Variants in MIX23 observed in about 807,000 individuals in gnomAD.
MIX23 encodes protein MIX23.
MIX23 carries 13 observed loss-of-function variants against 21.6 expected under a neutral mutation model. The observed-to-expected ratio is 0.60, with a 90% CI of 0.39 to 0.96. The LOEUF (loss-of-function observed/expected upper bound fraction) is 0.96, where lower values mean the gene tolerates loss of function less well. MIX23 is among the 40% of genes least tolerant of loss of function. The pLI, the probability that MIX23 is intolerant of heterozygous loss-of-function variation, is 0.00. For synonymous variants in MIX23, 59 were observed against 58.0 expected, an observed-to-expected ratio of 1.02 and a Z score of -0.08; for missense variants, 144 against 171.2, an observed-to-expected ratio of 0.84 and a Z score of 0.89.
At chr3:122,381,407 G>A (rs915573456) in intron 1 of MIX23, among the ~76,000 whole-genome samples, 7 of 152,144 alleles carry the variant, frequency 4.6e-5, no homozygotes, top group African/African-American at 1.4e-4. Context: ...GCCCTAATCC[G>A]ATAGAACTGA....
rs368433558 is a variant in MIX23 at position 122,368,248 on chromosome 3, G to A, written c.252C>T (p.Asn84=). 4.9e-5 allele frequency: 79 copies of A among 1,609,752 alleles called. No homozygotes were observed. The African/African-American group carries it at 8.8e-4, about 18-fold the overall frequency. The part of the protein sequence containing the change: ...CIAQTSAVVK[N]LREEREKNLD... ...AATTCTTTTCTCTCTCTTCTCGGAG[G>A]TTTTTTACTACTGCTGAAGTCTGGG... The change falls in exon 3 of 5, where the codon AAC becomes AAT. Residue 84 remains asparagine (N), a synonymous_variant. Transcript: ENST00000291458.
intron 3 of MIX23, 38 bp from the exon 4 acceptor site, chr3:122,363,065 A>T: frequency 6.4e-7 from 1 of 1,552,674 alleles, no homozygotes; most frequent in Non-Finnish European, 8.8e-7. Flanking sequence ...TAAAATTTAA[A>T]GAGCAAGAAA....
chr3:122,361,334 C>T (rs1026569189), intron 4 of MIX23, among the ~76,000 whole-genome samples: 1 of 152,156 alleles, frequency 6.6e-6, no homozygotes, highest in African/African-American at 2.4e-5. Context: ...CCATTTCCAG[C>T]CCTGACATTT....
chr3:122,380,203 A>T (rs927119016), intron 1 of MIX23, among the ~76,000 whole-genome samples: 2 of 152,196 alleles, frequency 1.3e-5, no homozygotes, highest in Non-Finnish European at 2.9e-5. Context: ...GAACTCCCTT[A>T]ACCTTTCCTC....
intron 1 of MIX23, among the ~76,000 whole-genome samples, chr3:122,376,166 C>CG (rs2075485324): frequency 1.6e-5 from 1 of 64,480 alleles, no homozygotes; most frequent in African/African-American, 6.5e-5. Context: ...GACTCCGTCT[C>CG]AAAAAAAAAA....
chr3:122,365,217 G>C (rs1049907949), intron 3 of MIX23: 3 of 152,046 alleles, frequency 2.0e-5, no homozygotes, highest in African/African-American at 7.2e-5. Context: ...TTTTTGACTG[G>C]CATCTGTCTA....
rs6762429 is a variant in MIX23 at position 122,371,877 on chromosome 3, A to G, written c.52-77T>C. On this transcript the variant is annotated intron_variant, in intron 1 of 4. Coordinates refer to ENST00000291458, the MANE Select transcript of MIX23 (RefSeq NM_001017928.4). ...AAAAATAAGCATTTAAGTAAAAAAT[A>G]AAGCTCTTGGATATTTTACAATCCT... The G allele has an allele frequency of 1.1e-3, 1,402 of 1,244,972 alleles. 10 individuals are homozygous for G. In the African/African-American group the frequency reaches 0.017, roughly 15 times the overall value. The allele number at this position is 1,244,972 out of a possible 1,614,324, so 77.1% of individuals were successfully genotyped here.
At chr3:122,380,112 T>A (rs1292880215) in intron 1 of MIX23, among the ~76,000 whole-genome samples, 2 of 152,150 alleles carry the variant, frequency 1.3e-5, no homozygotes, top group Non-Finnish European at 2.9e-5. Flanking sequence ...ATTCTACATA[T>A]TTTTTAGGGT....
chr3:122,377,316 A>T (rs190821918), intron 1 of MIX23, among the ~76,000 whole-genome samples: 1 of 152,366 alleles, frequency 6.6e-6, no homozygotes, highest in East Asian at 1.9e-4. Flanking sequence ...GAAGAGTGGA[A>T]TAGAAAGTAG....
intron 1 of MIX23, among the ~76,000 whole-genome samples, 199 bp downstream of exon 1, chr3:122,382,975 C>T (rs575099315): frequency 1.3e-5 from 2 of 152,318 alleles, no homozygotes; most frequent in South Asian, 4.1e-4. Flanking sequence ...GAACTATGAC[C>T]CCCCTCCTCC....
intron 4 of MIX23, 108 bp downstream of exon 4, chr3:122,362,860 C>T: frequency 1.6e-6 from 1 of 634,974 alleles, no homozygotes. Context: ...CGAGTGATCT[C>T]TACTTTCCTT....
intron 2 of MIX23, among the ~76,000 whole-genome samples, chr3:122,370,326 G>A (rs1008054031): frequency 2.0e-5 from 3 of 151,866 alleles, no homozygotes; most frequent in Admixed American, 1.3e-4. Flanking sequence ...GCATGGTAGC[G>A]TGTGCCTGTA....
chr3:122,375,870 T>C (rs564899473), intron 1 of MIX23, among the ~76,000 whole-genome samples: 5 of 152,056 alleles, frequency 3.3e-5, no homozygotes, highest in African/African-American at 2.4e-5. Flanking sequence ...AAATAAATCA[T>C]TATATAAAAA....
At chr3:122,381,554 C>A (rs1170046307) in intron 1 of MIX23, among the ~76,000 whole-genome samples, 1 of 151,826 alleles carries the variant, frequency 6.6e-6, no homozygotes, top group Non-Finnish European at 1.5e-5. Context: ...ATGGTGAAAC[C>A]CCATCTCTAC....
chr3:122,362,660 A>T (rs2075366247), intron 4 of MIX23, among the ~76,000 whole-genome samples: 1 of 152,006 alleles, frequency 6.6e-6, no homozygotes, highest in South Asian at 2.1e-4. Context: ...TATTTTTAGT[A>T]GACACCTGAC....
At chr3:122,378,778 TG>T (rs2075508267) in intron 1 of MIX23, among the ~76,000 whole-genome samples, 1 of 152,242 alleles carries the variant, frequency 6.6e-6, no homozygotes, top group South Asian at 2.1e-4. Context: ...AATTTTTCTG[TG>T]TGTACTAGAG....
At chr3:122,369,685 C>T (rs1056102777) in intron 2 of MIX23, among the ~76,000 whole-genome samples, 1 of 152,044 alleles carries the variant, frequency 6.6e-6, no homozygotes, top group Non-Finnish European at 1.5e-5. Flanking sequence ...CCTGATTCAA[C>T]AAGGAGATAA....
At position 122,376,037 on chromosome 3, in the gene MIX23, C is replaced by T. The variant is rs375803710; in HGVS notation, c.52-4237G>A. On this transcript the variant is annotated intron_variant, in intron 1 of 4. Transcript: ENST00000291458. ...ATTAGACTGGCATGGTGGCGCGCACCTGTAATCCCAGCTACTTGGGGAGGC... is the reference window on the plus strand; with the variant it reads ...ATTAGACTGGCATGGTGGCGCGCACTTGTAATCCCAGCTACTTGGGGAGGC... 1.3e-4 allele frequency among the ~76,000 whole-genome samples: 20 copies of T among 151,900 alleles called. 1 individual carries two copies. Among genetic ancestry groups the T allele is most frequent in the South Asian group, 8.3e-4 (4 of 4,794 alleles).
chr3:122,375,807 A>G (rs2075481770), intron 1 of MIX23, among the ~76,000 whole-genome samples: 1 of 152,186 alleles, frequency 6.6e-6, no homozygotes, highest in Non-Finnish European at 1.5e-5. Flanking sequence ...AGAACCAACA[A>G]CAGAACTACC....
Sources: allele counts gnomAD v4.1 joint callset (sites outside exome capture counted in the v4.1 genomes callset), GRCh38; gene constraint gnomAD v4.1.1; transcripts MANE v1.5; gene names NCBI Gene and HGNC (gene_info 2026-07-23, HGNC 2026-07-21).